The following FAT3 variants were observed in gnomAD, a reference collection of about 807,000 sequenced individuals.
FAT3 encodes the protein FAT atypical cadherin 3.
In FAT3, 95 loss-of-function variants were observed where a neutral mutation model predicts 310.2. The ratio of observed to expected loss-of-function variants is 0.31; its 90% confidence interval spans 0.26 to 0.36. FAT3 has a LOEUF of 0.36. Ranked by LOEUF, FAT3 falls within the 10% of genes least tolerant of loss-of-function variation. FAT3 has a pLI of 1.00. For synonymous variants in FAT3, 2,314 were observed against 2,192.9 expected (o/e 1.06, Z -1.54); for missense variants, 5,408 against 5,715.6 (o/e 0.95, Z 1.74).
intron 2 of FAT3, among the ~76,000 whole-genome samples, chr11:92,453,644 C>G (rs997762312): frequency 2.0e-5 from 3 of 152,078 alleles, no homozygotes; most frequent in African/African-American, 7.2e-5. Flanking sequence ...TTTATTTAAA[C>G]TCAAGCTTTT....
intron 1 of FAT3, among the ~76,000 whole-genome samples, chr11:92,306,481 T>G (rs960715573): frequency 1.4e-4 from 18 of 132,786 alleles, no homozygotes; most frequent in Non-Finnish European, 2.5e-4. Context: ...TATAAACTTA[T>G]ATATATATTT....
intron 1 of FAT3, among the ~76,000 whole-genome samples, chr11:92,332,453 A>C (rs1483410698): frequency 6.6e-6 from 1 of 152,286 alleles, no homozygotes; most frequent in East Asian, 1.9e-4. Flanking sequence ...TAATTAACCA[A>C]GCTTGTCTAA....
intron 2 of FAT3, among the ~76,000 whole-genome samples, chr11:92,413,750 A>AC (rs1691235412): frequency 6.6e-6 from 1 of 152,224 alleles, no homozygotes; most frequent in Non-Finnish European, 1.5e-5. Flanking sequence ...AATTTAAGAC[A>AC]CTTTTCTATA....
At position 92,372,549 on chromosome 11, in the gene FAT3, G is replaced by A. The variant is rs976827799; in HGVS notation, c.3292+17145G>A. The stretch of plus-strand genomic sequence containing the variant: ...GTGTGCAAAATGACACATTTCCCAA[G>A]GGTTCTGGTTTATCAAGGTTTTGTG... On this transcript the variant is annotated intron_variant, in intron 2 of 27. Coordinates refer to ENST00000525166, the MANE Select transcript of FAT3 (RefSeq NM_001367949.2). Among the ~76,000 whole-genome samples, 8 of 152,090 alleles carry A rather than the reference G, an allele frequency of 5.3e-5. No individual in the cohort carries two copies. The South Asian group carries it at 6.2e-4, about 12-fold the overall frequency.
chr11:92,265,895 G>C (rs865866845), intron 1 of FAT3, among the ~76,000 whole-genome samples: 2 of 151,974 alleles, frequency 1.3e-5, no homozygotes, highest in African/African-American at 4.8e-5. Flanking sequence ...ATACATCTTT[G>C]GGGAAGACAA....
intron 3 of FAT3, among the ~76,000 whole-genome samples, chr11:92,525,673 G>A (rs1953837743): frequency 1.6e-5 from 2 of 128,180 alleles, no homozygotes; most frequent in Non-Finnish European, 3.6e-5. Flanking sequence ...TCTGAACAAA[G>A]GAGTAAAATA....
At chr11:92,500,128 A>G (rs1026915935) in intron 2 of FAT3, among the ~76,000 whole-genome samples, 1 of 152,058 alleles carries the variant, frequency 6.6e-6, no homozygotes, top group Non-Finnish European at 1.5e-5. Flanking sequence ...TGCTTAATGA[A>G]TATTTGTTGA....
At position 92,442,079 on chromosome 11, in the gene FAT3, TTTTA is replaced by T. The variant is rs1470833009; in HGVS notation, c.3293-82553_3293-82550del. On this transcript the variant is annotated intron_variant, in intron 2 of 27. Coordinates refer to ENST00000525166, the MANE Select transcript of FAT3 (RefSeq NM_001367949.2). ...AAGTGCAAAACTTAAGAAATATATA[TTTTA>T]TATATATATATATATATATATATAT... 5.3e-3 allele frequency among the ~76,000 whole-genome samples: 358 copies of T among 67,084 alleles called. 11 individuals are homozygous for T. Among genetic ancestry groups the T allele is most frequent in the African/African-American group, 0.019 (267 of 14,126 alleles). The allele number at this position is 67,084 out of a possible 152,430, so 44.0% of individuals were successfully genotyped here.
chr11:92,420,989 A>C (rs1950523030), intron 2 of FAT3, among the ~76,000 whole-genome samples: 1 of 152,142 alleles, frequency 6.6e-6, no homozygotes, highest in Admixed American at 6.6e-5. Context: ...GATTTTGTTT[A>C]TTAACTTTCT....
At chr11:92,724,847 G>A (rs1944956206) in intron 4 of FAT3, among the ~76,000 whole-genome samples, 1 of 152,216 alleles carries the variant, frequency 6.6e-6, no homozygotes, top group African/African-American at 2.4e-5. Context: ...AAAGCCAGAG[G>A]AGCAGGAGAC....
At chr11:92,738,108 T>G (rs1463456925) in intron 4 of FAT3, among the ~76,000 whole-genome samples, 1 of 152,182 alleles carries the variant, frequency 6.6e-6, no homozygotes, top group Non-Finnish European at 1.5e-5. Context: ...TTAAAGGTCT[T>G]AAGGTTAAGC....
intron 1 of FAT3, among the ~76,000 whole-genome samples, chr11:92,303,432 T>G (rs1424918036): frequency 2.0e-5 from 3 of 152,076 alleles, no homozygotes; most frequent in African/African-American, 7.2e-5. Context: ...TTTTAGAAGG[T>G]TCAGATCAGA....
chr11:92,815,164 A>G (rs1376711018), intron 13 of FAT3, among the ~76,000 whole-genome samples: 3 of 152,208 alleles, frequency 2.0e-5, no homozygotes. Flanking sequence ...CTAATCTGAT[A>G]GGAGCTTCTG....
At chr11:92,581,965 C>T (rs1440680683) in intron 3 of FAT3, among the ~76,000 whole-genome samples, 1 of 152,036 alleles carries the variant, frequency 6.6e-6, no homozygotes. Flanking sequence ...GTGGCTGCTT[C>T]ATAGACAGAG....
At chr11:92,729,959 G>T (rs1318523342) in intron 4 of FAT3, among the ~76,000 whole-genome samples, 1 of 151,970 alleles carries the variant, frequency 6.6e-6, no homozygotes, top group Non-Finnish European at 1.5e-5. Flanking sequence ...CTGGGTAATG[G>T]GATCATGAGT....
chr11:92,561,069 G>A (rs970553922), intron 3 of FAT3, among the ~76,000 whole-genome samples: 3 of 152,130 alleles, frequency 2.0e-5, no homozygotes, highest in Non-Finnish European at 4.4e-5. Flanking sequence ...GGCTGGGTAG[G>A]CAGCACTTAT....
intron 2 of FAT3, among the ~76,000 whole-genome samples, chr11:92,410,240 C>G (rs1950226541): frequency 6.6e-6 from 1 of 151,944 alleles, no homozygotes; most frequent in South Asian, 2.1e-4. Context: ...GCCTTTCTCA[C>G]CTGCATGCTA....
At chr11:92,804,672 A>G (rs1049477564) in intron 10 of FAT3, among the ~76,000 whole-genome samples, 1 of 152,174 alleles carries the variant, frequency 6.6e-6, no homozygotes, top group African/African-American at 2.4e-5. Context: ...AGTTCTTATG[A>G]GAAGAGCGCA....
chr11:92,430,608 C>G lies in FAT3; in HGVS notation c.3292+75204C>G, dbSNP rs1950743715. ...ATGTGTCATGTTGGTGTGCTGCACC[C>G]ATTAACTCATCATTTAACATCAGGT... On this transcript the variant is annotated intron_variant, in intron 2 of 27. Transcript: ENST00000525166. Among the ~76,000 whole-genome samples, 3 of 152,092 alleles carry G rather than the reference C, an allele frequency of 2.0e-5. No homozygotes were observed. The South Asian group carries it at 6.2e-4, about 32-fold the overall frequency.
Sources: gnomAD v4.1 joint callset for allele counts (sites outside exome capture counted in the v4.1 genomes callset) on GRCh38, gnomAD v4.1.1 for gene constraint, MANE v1.5 for transcripts, NCBI Gene and HGNC (gene_info 2026-07-23, HGNC 2026-07-21) for gene names.